UBR4: variants seen among roughly 807,000 people sequenced by gnomAD.
The protein encoded by UBR4 is E3 ubiquitin-protein ligase UBR4.
Under a neutral mutation model 575.6 loss-of-function variants are expected in UBR4, and 124 were observed. The ratio of observed to expected loss-of-function variants is 0.22; its 90% confidence interval spans 0.19 to 0.25. The LOEUF is 0.25. UBR4 is among the 10% of genes least tolerant of loss of function. UBR4 has a pLI of 1.00. For synonymous variants in UBR4, 2,455 were observed against 2,473.7 expected (o/e 0.99, Z 0.22); for missense variants, 4,818 against 6,478.8 (o/e 0.74, Z 8.80).
intron 17 of UBR4, 24 bp from the exon 18 acceptor site, chr1:19,179,244 AAC>A: frequency 6.6e-7 from 1 of 1,523,504 alleles, no homozygotes. Context: ...CATGGAACAG[AAC>A]ATTAGCAAAC....
At position 19,117,755 on chromosome 1, in the gene UBR4, A is replaced by G. The variant is rs1372625142; in HGVS notation, c.10629+68T>C. The G allele has an allele frequency of 2.1e-6, 3 of 1,429,216 alleles. No homozygotes were observed. Among genetic ancestry groups the G allele is most frequent in the Non-Finnish European group, 3.0e-6 (3 of 1,016,066 alleles). 88.5% of individuals were successfully genotyped at this position (1,429,216 alleles called of 1,614,324 possible). A position where few individuals can be genotyped will look rare whatever the true frequency, so the allele number is the denominator to read the frequency against. On this transcript the variant is annotated intron_variant, in intron 72 of 105. Coordinates refer to ENST00000375254, the MANE Select transcript of UBR4 (RefSeq NM_020765.3). The surrounding 1 kb of genome is among the most constrained non-coding windows in gnomAD (Gnocchi z 4.0). ...AGGAACATCTATGTGATAATGATCC[A>G]TCTCTGGAAACAAGAATCCCACTGG...
intron 11 of UBR4, among the ~76,000 whole-genome samples, chr1:19,188,418 G>A (rs978863268): frequency 3.3e-5 from 5 of 152,136 alleles, no homozygotes; most frequent in Non-Finnish European, 7.4e-5. Flanking sequence ...GCCAGAAGTG[G>A]TGAGGCACAC....
chr1:19,209,801 A>T (rs2093222228), intron 1 of UBR4, among the ~76,000 whole-genome samples: 1 of 152,330 alleles, frequency 6.6e-6, no homozygotes, highest in East Asian at 1.9e-4. Flanking sequence ...GGGCGAATGC[A>T]TCTCACTCTC....
intron 34 of UBR4, among the ~76,000 whole-genome samples, chr1:19,163,347 G>C (rs1452202291): frequency 6.6e-6 from 1 of 152,204 alleles, no homozygotes; most frequent in Non-Finnish European, 1.5e-5. Flanking sequence ...TTTCTTACCA[G>C]AGTAACCAGA....
At position 19,118,961 on chromosome 1, in the gene UBR4, A is replaced by C; in HGVS notation, c.10456-4T>G. ...CCTTCTGTGAATACTCCTTCAACTG[A>C]AACAGAATTCAGTAAAGAAACAACT... On this transcript the variant is annotated splice_polypyrimidine_tract_variant and splice_region_variant and intron_variant, in intron 70 of 105. Coordinates refer to ENST00000375254, the MANE Select transcript of UBR4 (RefSeq NM_020765.3). 6.2e-7 allele frequency: 1 copy of C among 1,614,044 alleles called. No homozygotes were observed. The highest frequency in any genetic ancestry group is 8.5e-7 in the Non-Finnish European group (1 of 1,179,906).
intron 68 of UBR4, 50 bp downstream of exon 68, chr1:19,121,139 G>C (rs746924016): frequency 2.5e-6 from 4 of 1,589,888 alleles, no homozygotes; most frequent in East Asian, 2.2e-5. Flanking sequence ...TGCTCCAAGA[G>C]AGATTTACAT....
In UBR4 at chr1:19,110,748, G is replaced by A. The variant is rs755411336; in HGVS notation, c.11886C>T (p.Pro3962=). Residue 3962 remains proline (P), a synonymous_variant, in exon 79 of 106, where the codon CCC becomes CCT. Transcript: ENST00000375254. The surrounding 1 kb of genome is among the most constrained non-coding windows in gnomAD (Gnocchi z 4.5). ...STALKGHWAN[P]DLASSLQYEM... The stretch of plus-strand genomic sequence containing the variant: ...GCCTGCTAGGCCGGCTCACCAGATC[G>A]GGGTTGGCCCAGTGGCCCTTCAGGG... The A allele has an allele frequency of 1.2e-5, 20 of 1,614,082 alleles. No homozygotes were observed. Among genetic ancestry groups the A allele is most frequent in the South Asian group, 7.7e-5 (7 of 91,076 alleles).
intron 60 of UBR4, among the ~76,000 whole-genome samples, chr1:19,133,958 T>C (rs1354857380): frequency 6.6e-6 from 1 of 151,968 alleles, no homozygotes; most frequent in Non-Finnish European, 1.5e-5. Context: ...TGGTGGCACA[T>C]GCCTGTAATC....
intron 71 of UBR4, chr1:19,118,594 T>G (rs993432889): frequency 1.1e-5 from 4 of 359,614 alleles, no homozygotes; most frequent in Non-Finnish European, 2.0e-5. Flanking sequence ...CTAACTTTTT[T>G]AAATTTTTTT....
chr1:19,141,856 C>T (rs1010316522), intron 55 of UBR4, 79 bp from the exon 56 acceptor site: 3 of 1,572,330 alleles, frequency 1.9e-6, no homozygotes, highest in South Asian at 1.2e-5. Flanking sequence ...CAGGTGGCAA[C>T]AAAAACCCAA....
intron 53 of UBR4, among the ~76,000 whole-genome samples, chr1:19,145,508 GACACACACACACAC>G (rs555050832): frequency 6.9e-6 from 1 of 145,002 alleles, no homozygotes; most frequent in African/African-American, 2.6e-5. Context: ...AAACCACTGA[GACACACACACACAC>G]ACACACACAC....
intron 11 of UBR4, among the ~76,000 whole-genome samples, chr1:19,190,016 T>C (rs1431108122): frequency 1.3e-5 from 2 of 151,938 alleles, no homozygotes; most frequent in African/African-American, 4.8e-5. Flanking sequence ...GCCAGGCAGA[T>C]TGGCTCATGC....
chr1:19,145,673 T>G, intron 53 of UBR4, 120 bp downstream of exon 53: 2 of 1,288,746 alleles, frequency 1.6e-6, no homozygotes, highest in Non-Finnish European at 2.1e-6. Context: ...TTCCCAATTA[T>G]GAGTTCTGGA....
chr1:19,128,289 A>T lies in UBR4; in HGVS notation c.9033T>A (p.Asp3011Glu), dbSNP rs748861470. ...CCCCCTTGTCTTTCTCATCTTCTCC[A>T]TCCAGATCTGTAGTGAGCATTAGAA... The part of the protein sequence containing the change: ...QVILMLTTDL[D>E]GEDEKDKGAL... The change falls in exon 62 of 106, where the codon GAT becomes GAA. Residue 3011 changes from aspartate (D) to glutamate (E), a missense_variant. Asp to Glu is a conservative substitution (Grantham distance 45). This residue lies in a region of UBR4 where 87 missense variants were observed against 82.8 expected (regional missense o/e 1.05). Transcript: ENST00000375254. 6.6e-5 allele frequency: 106 copies of T among 1,613,902 alleles called. 1 individual carries two copies. The South Asian group carries it at 1.1e-3, about 17-fold the overall frequency.
At chr1:19,187,134 TA>T in intron 13 of UBR4, 29 bp downstream of exon 13, 1 of 1,561,664 alleles carries the variant, frequency 6.4e-7, no homozygotes, top group Non-Finnish European at 8.7e-7. Flanking sequence ...GACATTCTTC[TA>T]AATTATCAAT....
chr1:19,091,044 CGA>C (rs932609938), intron 97 of UBR4, among the ~76,000 whole-genome samples: 3 of 151,408 alleles, frequency 2.0e-5, no homozygotes, highest in African/African-American at 7.3e-5. Flanking sequence ...TGCAGTGAGC[CGA>C]GACCATGCCA....
In UBR4 at chr1:19,141,639, A is replaced by G; in HGVS notation, c.8310+8T>C. On this transcript the variant is annotated splice_region_variant and intron_variant, in intron 56 of 105. Transcript: ENST00000375254. The stretch of plus-strand genomic sequence containing the variant: ...CCTCCTCCCCTTCTCCTGCTGCCAG[A>G]GACTCACCACCATCTCAAAATCTCC... The G allele has an allele frequency of 6.2e-7, 1 of 1,613,788 alleles. No individual in the cohort carries two copies. The highest frequency in any genetic ancestry group is 8.5e-7 in the Non-Finnish European group (1 of 1,179,812).
At position 19,086,137 on chromosome 1, in the gene UBR4, A is replaced by C; in HGVS notation, c.14813+8T>G. 1 of 1,613,640 alleles carries C rather than the reference A, an allele frequency of 6.2e-7. No individual in the cohort carries two copies. The highest frequency in any genetic ancestry group is 8.5e-7 in the Non-Finnish European group (1 of 1,179,900). ...TCCATTCCACCATGAAAAATACTCA[A>C]CACTCACCTTGCCAAGCAAGTGGCA... On this transcript the variant is annotated splice_region_variant and intron_variant, in intron 101 of 105. Coordinates refer to ENST00000375254, the MANE Select transcript of UBR4 (RefSeq NM_020765.3).
intron 20 of UBR4, among the ~76,000 whole-genome samples, chr1:19,175,558 T>G (rs954108508): frequency 1.3e-5 from 2 of 152,166 alleles, no homozygotes; most frequent in South Asian, 2.1e-4. Flanking sequence ...AACAAACACT[T>G]CATCCAAAGA....
Sources: allele counts gnomAD v4.1 joint callset (sites outside exome capture counted in the v4.1 genomes callset), GRCh38; gene constraint gnomAD v4.1.1; regional missense constraint gnomAD v4.1.1; non-coding constraint Gnocchi (gnomAD v3.1); transcripts MANE v1.5; gene names NCBI Gene and HGNC (gene_info 2026-07-23, HGNC 2026-07-21).